Variants in SLC35F1 observed in about 807,000 individuals in gnomAD.
SLC35F1 encodes the protein solute carrier family 35 member F1.
SLC35F1 carries 14 observed loss-of-function variants against 48.7 expected under a neutral mutation model. The observed-to-expected ratio is 0.29, with a 90% CI of 0.19 to 0.45. The LOEUF is 0.45. Among genes scored for constraint, SLC35F1 ranks in the 20% least tolerant of loss-of-function variants. The pLI is 1.00. For synonymous variants in SLC35F1, 190 were observed against 202.2 expected, an observed-to-expected ratio of 0.94 and a Z score of 0.51; for missense variants, 404 against 500.0, an observed-to-expected ratio of 0.81 and a Z score of 1.83.
chr6:118,251,350 C>T (rs1450001609), intron 3 of SLC35F1, among the ~76,000 whole-genome samples: 1 of 151,904 alleles, frequency 6.6e-6, no homozygotes, highest in African/African-American at 2.4e-5. Context: ...CAGTAAGAAC[C>T]CTTAACATGA....
intron 1 of SLC35F1, among the ~76,000 whole-genome samples, chr6:117,972,843 C>T (rs1183984132): frequency 6.6e-6 from 1 of 152,132 alleles, no homozygotes; most frequent in Non-Finnish European, 1.5e-5. Context: ...ATACCTAGAT[C>T]CCCATTATAA....
chr6:118,188,542 C>T (rs976701180), intron 2 of SLC35F1, among the ~76,000 whole-genome samples: 3 of 149,878 alleles, frequency 2.0e-5, no homozygotes, highest in African/African-American at 4.9e-5. Flanking sequence ...AAGAGCAAAA[C>T]TCCATTTCAA....
intron 2 of SLC35F1, among the ~76,000 whole-genome samples, chr6:118,226,370 A>T (rs937081101): frequency 6.6e-6 from 1 of 152,230 alleles, no homozygotes; most frequent in Non-Finnish European, 1.5e-5. Context: ...GTTATGCCTA[A>T]AAGATAGGAA....
chr6:118,220,688 G>A (rs1775135163), intron 2 of SLC35F1, among the ~76,000 whole-genome samples: 1 of 152,164 alleles, frequency 6.6e-6, no homozygotes, highest in Non-Finnish European at 1.5e-5. Flanking sequence ...CTCCCAGAGT[G>A]GTTATCTGTG....
intron 1 of SLC35F1, among the ~76,000 whole-genome samples, chr6:118,113,569 T>A (rs1242426129): frequency 2.0e-5 from 3 of 152,196 alleles, no homozygotes; most frequent in Non-Finnish European, 4.4e-5. Context: ...TGAAGTTTTT[T>A]AAGTAAGGAA....
At chr6:118,297,028 A>C (rs945451500) in intron 7 of SLC35F1, among the ~76,000 whole-genome samples, 2 of 152,160 alleles carry the variant, frequency 1.3e-5, no homozygotes, top group Admixed American at 6.5e-5. Context: ...CTGAAGCAGA[A>C]CCACTACTCT....
chr6:118,230,445 C>T (rs756805384), intron 2 of SLC35F1, among the ~76,000 whole-genome samples: 1 of 152,024 alleles, frequency 6.6e-6, no homozygotes, highest in Non-Finnish European at 1.5e-5. Context: ...TAAATTGTGG[C>T]ATACTCATAA....
At chr6:118,217,568 C>G (rs1452852514) in intron 2 of SLC35F1, among the ~76,000 whole-genome samples, 1 of 151,944 alleles carries the variant, frequency 6.6e-6, no homozygotes, top group Admixed American at 6.6e-5. Context: ...CACAACAATG[C>G]GAATTTACTT....
intron 1 of SLC35F1, among the ~76,000 whole-genome samples, chr6:118,037,054 C>T (rs1772144543): frequency 1.3e-5 from 2 of 152,146 alleles, no homozygotes; most frequent in African/African-American, 4.8e-5. Flanking sequence ...TATGAAACAT[C>T]TCTCTTTATG....
chr6:118,230,117 C>A (rs563793107), intron 2 of SLC35F1, among the ~76,000 whole-genome samples: 2 of 151,902 alleles, frequency 1.3e-5, no homozygotes, highest in East Asian at 3.9e-4. Context: ...CATGGTGGGC[C>A]GATCACAAGG....
intron 1 of SLC35F1, among the ~76,000 whole-genome samples, chr6:118,093,030 G>A: frequency 6.6e-6 from 1 of 152,100 alleles, no homozygotes; most frequent in Admixed American, 6.6e-5. Flanking sequence ...TTTGAAATGT[G>A]AGGATGGCCA....
intron 7 of SLC35F1, among the ~76,000 whole-genome samples, chr6:118,306,414 C>T (rs1039757836): frequency 1.3e-5 from 2 of 152,212 alleles, no homozygotes. Flanking sequence ...TACACTACCA[C>T]TTCTACAAAC....
At chr6:118,294,784 C>T (rs987551986) in intron 7 of SLC35F1, among the ~76,000 whole-genome samples, 18 of 151,726 alleles carry the variant, frequency 1.2e-4, no homozygotes, top group Middle Eastern at 3.4e-3. Flanking sequence ...ACTATTCTTG[C>T]ATCAGGAAAG....
chr6:118,048,696 G>A (rs975415825), intron 1 of SLC35F1, among the ~76,000 whole-genome samples: 1 of 152,120 alleles, frequency 6.6e-6, no homozygotes, highest in African/African-American at 2.4e-5. Flanking sequence ...ACAAAGCACT[G>A]CTCAAAGAAA....
intron 1 of SLC35F1, among the ~76,000 whole-genome samples, chr6:117,934,121 A>G (rs561580370): frequency 6.6e-6 from 1 of 152,296 alleles, no homozygotes; most frequent in East Asian, 1.9e-4. Flanking sequence ...AATTTAAACT[A>G]TACTGAGCAG....
intron 1 of SLC35F1, among the ~76,000 whole-genome samples, chr6:118,105,794 A>G (rs1249162138): frequency 6.6e-6 from 1 of 152,218 alleles, no homozygotes; most frequent in African/African-American, 2.4e-5. Flanking sequence ...ATCAAAGTAG[A>G]TAGTATGATG....
At chr6:118,156,232 CA>C (rs529394070) in intron 2 of SLC35F1, among the ~76,000 whole-genome samples, 153 of 138,778 alleles carry the variant, frequency 1.1e-3, no homozygotes, top group East Asian at 2.3e-3. Context: ...ATCTAAGTGT[CA>C]AAAAAAAAAA....
intron 7 of SLC35F1, among the ~76,000 whole-genome samples, chr6:118,308,426 G>A (rs373920896): frequency 1.0e-3 from 159 of 152,164 alleles, no homozygotes; most frequent in African/African-American, 3.7e-3. Flanking sequence ...CAGACCAGTC[G>A]CTCTACATGG....
At chr6:118,219,704 A>G (rs946457147) in intron 2 of SLC35F1, among the ~76,000 whole-genome samples, 57 of 152,212 alleles carry the variant, frequency 3.7e-4, no homozygotes, top group Non-Finnish European at 1.0e-4. Flanking sequence ...ATGCTGCTAT[A>G]AAGACACATG....
Sources: allele counts gnomAD v4.1 joint callset (sites outside exome capture counted in the v4.1 genomes callset), GRCh38; gene constraint gnomAD v4.1.1; transcripts MANE v1.5; gene names NCBI Gene and HGNC (gene_info 2026-07-23, HGNC 2026-07-21).